Variants in HERC3 observed in about 807,000 individuals in gnomAD.
The protein encoded by HERC3 is HECT and RLD domain containing E3 ubiquitin protein ligase 3.
HERC3 carries 58 observed loss-of-function variants against 129.9 expected under a neutral mutation model. The observed-to-expected ratio is 0.45, with a 90% confidence interval of 0.36 to 0.56. The LOEUF is 0.56. Among genes scored for constraint, HERC3 ranks in the 20% least tolerant of loss-of-function variants. The probability of loss-of-function intolerance (pLI) is 0.00; values close to 1 mark genes in which losing one functional copy is unlikely to be tolerated. For synonymous variants in HERC3, 430 were observed against 451.0 expected (o/e 0.95, Z 0.59); for missense variants, 835 against 1,244.2 (o/e 0.67, Z 4.95).
chr4:88,581,233 C>A, the HERC3 span, among the ~76,000 whole-genome samples: 1 of 152,038 alleles, frequency 6.6e-6, no homozygotes, highest in African/African-American at 2.4e-5. Flanking sequence ...GGCTGCAGAA[C>A]CTACTGTGTT....
chr4:88,674,986 A>G (rs1385258666), intron 16 of HERC3, among the ~76,000 whole-genome samples: 1 of 152,238 alleles, frequency 6.6e-6, no homozygotes, highest in African/African-American at 2.4e-5. Flanking sequence ...TACTACTGAT[A>G]TAGTACAATT....
Position 88,656,030 on chromosome 4 carries a change from G to C in HERC3, c.1064G>C (p.Arg355Pro). 1 of 1,613,854 alleles carries C rather than the reference G, an allele frequency of 6.2e-7. No homozygotes were observed. Among genetic ancestry groups the C allele is most frequent in the Non-Finnish European group, 8.5e-7 (1 of 1,179,834 alleles). The change falls in exon 9 of 26, where the codon CGA becomes CCA. Residue 355 changes from arginine to proline, a missense_variant. Physicochemically the swap from Arg to Pro is moderately radical, Grantham distance 103 (BLOSUM62 -2). Transcript: ENST00000402738. Reference protein sequence around the residue: ...WAAHSGQLSARADRFKYHIVK... With the variant: ...WAAHSGQLSAPADRFKYHIVK... ...GCCCACAGTGGCCAGCTTTCAGCCC[G>C]AGCTGGTAAGAATGATTGTCTCTGG...
At chr4:88,638,337 T>C (rs1021843021) in intron 3 of HERC3, among the ~76,000 whole-genome samples, 1 of 152,022 alleles carries the variant, frequency 6.6e-6, no homozygotes, top group Non-Finnish European at 1.5e-5. Flanking sequence ...AGTGTGAAAA[T>C]CCTCAATAAA....
At chr4:88,550,975 A>G in the HERC3 span, among the ~76,000 whole-genome samples, 1 of 149,684 alleles carries the variant, frequency 6.7e-6, no homozygotes, top group Non-Finnish European at 1.5e-5. Flanking sequence ...CTCAGAAATA[A>G]TGCCGCATAT....
At position 88,664,134 on chromosome 4, in the gene HERC3, CCTT is replaced by C. The variant is rs1560736282; in HGVS notation, c.1272-15_1272-13del. On this transcript the variant is annotated splice_polypyrimidine_tract_variant and intron_variant, in intron 11 of 25. Coordinates refer to ENST00000402738, the MANE Select transcript of HERC3 (RefSeq NM_014606.3). Reference sequence around the variant, plus strand: ...TGTAATTATTAAAGGCTTCCCCCTCCCTTCTTTTCTTTGAGCAGTGGTGTTGTT... The same window carrying C: ...TGTAATTATTAAAGGCTTCCCCCTCCCTTTTCTTTGAGCAGTGGTGTTGTT... 6.2e-7 allele frequency: 1 copy of C among 1,603,224 alleles called. No homozygotes were observed. Among genetic ancestry groups the C allele is most frequent in the Non-Finnish European group, 8.5e-7 (1 of 1,173,884 alleles).
chr4:88,630,063 A>G (rs1053009812), intron 3 of HERC3, among the ~76,000 whole-genome samples: 43 of 152,210 alleles, frequency 2.8e-4, no homozygotes, highest in African/African-American at 1.0e-3. Context: ...CATGTGGTGA[A>G]AATTGGGAGG....
intron 3 of HERC3, among the ~76,000 whole-genome samples, chr4:88,619,813 C>G (rs939687985): frequency 6.6e-6 from 1 of 152,130 alleles, no homozygotes; most frequent in Non-Finnish European, 1.5e-5. Flanking sequence ...GGAGTGCTTG[C>G]AAATGGCCAG....
At chr4:88,587,447 A>T (rs1210357464), upstream of HERC3, among the ~76,000 whole-genome samples, 1 of 152,240 alleles carries the variant, frequency 6.6e-6, no homozygotes, top group Admixed American at 6.5e-5. Flanking sequence ...AACACAATTC[A>T]CATACCATGT....
At chr4:88,586,361 C>CTTTT in the HERC3 span, among the ~76,000 whole-genome samples, 2 of 125,004 alleles carry the variant, frequency 1.6e-5, no homozygotes, top group Non-Finnish European at 3.6e-5. Flanking sequence ...TTTTTTCTTT[C>CTTTT]TTTTTTTTTT....
intron 6 of HERC3, 57 bp from the exon 7 acceptor site, chr4:88,653,985 G>T: frequency 8.0e-7 from 1 of 1,251,364 alleles, no homozygotes. Flanking sequence ...AGATAGTTGT[G>T]TATATTTCAT....
chr4:88,606,383 C>T (rs1723637160), intron 3 of HERC3, among the ~76,000 whole-genome samples: 1 of 151,894 alleles, frequency 6.6e-6, no homozygotes, highest in African/African-American at 2.4e-5. Flanking sequence ...ACCTGACTAG[C>T]TGGGATTACA....
At chr4:88,568,962 C>A in the HERC3 span, among the ~76,000 whole-genome samples, 2 of 152,046 alleles carry the variant, frequency 1.3e-5, no homozygotes, top group Non-Finnish European at 2.9e-5. Context: ...CCCTTAGTCA[C>A]CCCAGCTGGT....
intron 10 of HERC3, among the ~76,000 whole-genome samples, chr4:88,662,172 C>T (rs1020419129): frequency 3.9e-5 from 6 of 152,106 alleles, no homozygotes; most frequent in African/African-American, 1.2e-4. Flanking sequence ...TTGAGGCAAG[C>T]GGGCTGGACC....
the HERC3 span, among the ~76,000 whole-genome samples, chr4:88,550,811 G>T: frequency 6.6e-6 from 1 of 151,672 alleles, no homozygotes; most frequent in African/African-American, 2.4e-5. Flanking sequence ...AACCAAAAAA[G>T]AGCCTGCATT....
At chr4:88,658,843 G>T (rs1730189840) in intron 10 of HERC3, among the ~76,000 whole-genome samples, 1 of 152,148 alleles carries the variant, frequency 6.6e-6, no homozygotes, top group Admixed American at 6.6e-5. Flanking sequence ...ACAAATGCTA[G>T]GTGTTTGAGA....
intron 23 of HERC3, among the ~76,000 whole-genome samples, chr4:88,703,819 G>T (rs1735533646): frequency 2.0e-5 from 3 of 152,148 alleles, no homozygotes; most frequent in Admixed American, 2.0e-4. Flanking sequence ...GAATACCTCA[G>T]GTAAAGCCAG....
At chr4:88,628,588 G>A (rs1269476670) in intron 3 of HERC3, among the ~76,000 whole-genome samples, 1 of 152,090 alleles carries the variant, frequency 6.6e-6, no homozygotes, top group East Asian at 1.9e-4. Flanking sequence ...GGATCCCAAT[G>A]CAGGGATGTT....
chr4:88,532,990 A>G, the HERC3 span, among the ~76,000 whole-genome samples: 368 of 152,330 alleles, frequency 2.4e-3, 2 homozygotes, highest in Non-Finnish European at 4.6e-3. Flanking sequence ...GTGAAGTCCC[A>G]CAGCAGGCCA....
the HERC3 span, among the ~76,000 whole-genome samples, chr4:88,567,501 T>G: frequency 6.6e-6 from 1 of 152,188 alleles, no homozygotes. Context: ...CTCCTCTGAT[T>G]GTGTATTTTT....
Sources: gnomAD v4.1 joint callset for allele counts (sites outside exome capture counted in the v4.1 genomes callset) on GRCh38, gnomAD v4.1.1 for gene constraint, MANE v1.5 for transcripts, NCBI Gene and HGNC (gene_info 2026-07-23, HGNC 2026-07-21) for gene names.